The following DIP2A variants were observed in gnomAD, a reference collection of about 807,000 sequenced individuals.
The protein encoded by DIP2A is DIP2 acetate--CoA ligase A.
Under a neutral mutation model 177.4 loss-of-function variants are expected in DIP2A, and 85 were observed. The ratio of observed to expected loss-of-function variants is 0.48; its 90% CI spans 0.40 to 0.57. The LOEUF (loss-of-function observed/expected upper bound fraction) is 0.57. Among genes scored for constraint, DIP2A ranks in the 20% least tolerant of loss-of-function variants. The probability of loss-of-function intolerance (pLI) is 0.00; values close to 1 mark genes in which losing one functional copy is unlikely to be tolerated. For synonymous variants in DIP2A, 886 were observed against 881.8 expected, an observed-to-expected ratio of 1.00 and a Z score of -0.08; for missense variants, 1,791 against 2,100.2, an observed-to-expected ratio of 0.85 and a Z score of 2.88.
downstream of DIP2A, among the ~76,000 whole-genome samples, chr21:46,574,926 C>G (rs933839050): frequency 2.6e-5 from 4 of 152,108 alleles, no homozygotes; most frequent in Non-Finnish European, 5.9e-5. Flanking sequence ...CAAACTTACT[C>G]TATGAGGCAA....
At chr21:46,561,586 G>T in intron 33 of DIP2A, 162 bp from the exon 34 acceptor site, 1 of 941,390 alleles carries the variant, frequency 1.1e-6, no homozygotes, top group East Asian at 2.5e-5. Context: ...GCGTGGTTGG[G>T]GTGTCCCTGC....
chr21:46,484,905 T>G (rs2056587304), intron 2 of DIP2A, 77 bp downstream of exon 2: 8 of 1,394,254 alleles, frequency 5.7e-6, no homozygotes, highest in Non-Finnish European at 7.7e-6. Context: ...GTTTTTAGAG[T>G]TTAACATTTG....
rs1284660523 is a variant in DIP2A at position 46,496,979 on chromosome 21, C to G, written c.284-9C>G. The G allele has an allele frequency of 6.2e-6, 10 of 1,606,680 alleles. No individual in the cohort carries two copies. The highest frequency in any genetic ancestry group is 8.5e-6 in the Non-Finnish European group (10 of 1,177,950). ...AAAAAGTATTTTTACTGCTGTCCTT[C>G]CTGTGTAGATGTCCACACTGAAGCC... On this transcript the variant is annotated splice_polypyrimidine_tract_variant and intron_variant, in intron 3 of 37. Coordinates refer to ENST00000417564, the MANE Select transcript of DIP2A (RefSeq NM_015151.4).
chr21:46,511,240 C>T (rs1001212062), intron 7 of DIP2A, among the ~76,000 whole-genome samples, 177 bp from the exon 8 acceptor site: 1 of 152,216 alleles, frequency 6.6e-6, no homozygotes, highest in Non-Finnish European at 1.5e-5. Flanking sequence ...ATGACTAAAG[C>T]TCCTTTAATC....
At chr21:46,533,349 A>G (rs1032100773) in intron 10 of DIP2A, among the ~76,000 whole-genome samples, 175 bp from the exon 11 acceptor site, 2 of 152,252 alleles carry the variant, frequency 1.3e-5, no homozygotes, top group African/African-American at 2.4e-5. Flanking sequence ...TCACATTTTC[A>G]TGAACTATTT....
chr21:46,510,756 G>C (rs577426064), intron 7 of DIP2A, among the ~76,000 whole-genome samples: 1 of 149,322 alleles, frequency 6.7e-6, no homozygotes, highest in Non-Finnish European at 1.5e-5. Flanking sequence ...TCAGCCTCCC[G>C]AGTAGCTGGT....
intron 3 of DIP2A, among the ~76,000 whole-genome samples, chr21:46,495,556 C>G (rs541815236): frequency 1.3e-5 from 2 of 152,168 alleles, no homozygotes; most frequent in East Asian, 3.9e-4. Flanking sequence ...GCATGAGCCA[C>G]TGTGCCCATC....
At chr21:46,522,686 C>A (rs886725159) in intron 8 of DIP2A, among the ~76,000 whole-genome samples, 4 of 152,132 alleles carry the variant, frequency 2.6e-5, no homozygotes, top group African/African-American at 9.7e-5. Flanking sequence ...AGAGCTCTCT[C>A]GTCATGTGAA....
chr21:46,522,916 T>C (rs544636319), intron 8 of DIP2A, among the ~76,000 whole-genome samples: 240 of 152,166 alleles, frequency 1.6e-3, no homozygotes, highest in African/African-American at 5.5e-3. Context: ...TTTATTTTTT[T>C]AATTAATTTA....
intron 1 of DIP2A, among the ~76,000 whole-genome samples, chr21:46,461,271 C>CAAAAAAAAAAAAAAAAAAAAAAAAAAAA (rs60346777): frequency 8.1e-5 from 4 of 49,322 alleles, no homozygotes; most frequent in Non-Finnish European, 1.0e-4. Flanking sequence ...CTCTTCTCAC[C>CAAAAAAAAAAAAAAAAAAAAAAAAAAAA]AAAAAAAAAA....
intron 34 of DIP2A, 196 bp downstream of exon 34, chr21:46,562,001 A>G (rs1049634605): frequency 1.2e-6 from 1 of 862,788 alleles, no homozygotes; most frequent in African/African-American, 1.8e-5. Context: ...ATGTTTTTAA[A>G]CACACATCTG....
rs1168153777 is a variant in DIP2A, at chr21:46,464,817, CT to C, written c.91+5622del. On this transcript the variant is annotated intron_variant, in intron 1 of 37. Transcript: ENST00000417564. ...TCTTCCTTTTTCTTAATATTCATGT[CT>C]TTTTTTTTTTTTTTTTTTTTTTTTT... Among the ~76,000 whole-genome samples the C allele has an allele frequency of 8.1e-3, 591 of 73,388 alleles. 5 individuals carry two copies. Among genetic ancestry groups the C allele is most frequent in the African/African-American group, 0.02 (337 of 16,460 alleles). The allele number at this position is 73,388 out of a possible 152,430, so 48.1% of individuals were successfully genotyped here.
chr21:46,467,531 A>G (rs1378110969), intron 1 of DIP2A, among the ~76,000 whole-genome samples: 2 of 152,146 alleles, frequency 1.3e-5, no homozygotes, highest in Non-Finnish European at 2.9e-5. Flanking sequence ...CATGGATGTC[A>G]TCATCTATTT....
At position 46,557,485 on chromosome 21, in the gene DIP2A, C is replaced by T. The variant is rs2060509014; in HGVS notation, c.3630-100C>T. 7.3e-7 allele frequency: 1 copy of T among 1,376,742 alleles called. No individual in the cohort carries two copies. Among genetic ancestry groups the T allele is most frequent in the Non-Finnish European group, 9.8e-7 (1 of 1,022,596 alleles). 85.3% of individuals were successfully genotyped at this position (1,376,742 alleles called of 1,614,324 possible). A position where few individuals can be genotyped will look rare whatever the true frequency, so the allele number is the denominator to read the frequency against. ...TGGCGTCAGAACAGAAATCATGCCC[C>T]TGTTGTGGCTGGAAAAGAAGTGTTC... On this transcript the variant is annotated intron_variant, in intron 30 of 37. Transcript: ENST00000417564. This position sits in a 1 kb window ranked among gnomAD's most constrained non-coding sequence, Gnocchi z 6.0.
intron 1 of DIP2A, 133 bp from the exon 2 acceptor site, chr21:46,484,624 T>C (rs2056568953): frequency 4.2e-6 from 3 of 720,122 alleles, no homozygotes; most frequent in East Asian, 5.6e-5. Flanking sequence ...TATGGGTCCA[T>C]TATAGTTTAT....
At chr21:46,534,426 G>T (rs913560098) in intron 12 of DIP2A, among the ~76,000 whole-genome samples, 159 bp from the exon 13 acceptor site, 1 of 152,202 alleles carries the variant, frequency 6.6e-6, no homozygotes, top group Non-Finnish European at 1.5e-5. Flanking sequence ...TCCCCTCAGC[G>T]GCCAGGGTTT....
intron 1 of DIP2A, among the ~76,000 whole-genome samples, chr21:46,479,239 C>T (rs913255680): frequency 6.6e-6 from 1 of 152,190 alleles, no homozygotes; most frequent in Non-Finnish European, 1.5e-5. Context: ...CTCAGTTCTT[C>T]ACTTCTGTAA....
intron 1 of DIP2A, among the ~76,000 whole-genome samples, chr21:46,483,590 G>C (rs946778012): frequency 6.6e-6 from 1 of 152,224 alleles, no homozygotes; most frequent in African/African-American, 2.4e-5. Context: ...CTGTAGGATG[G>C]CATATTAATG....
In DIP2A at chr21:46,537,203, A is replaced by G; in HGVS notation, c.1643-21A>G. On this transcript the variant is annotated intron_variant, in intron 13 of 37. Transcript: ENST00000417564. The surrounding 1 kb of genome is among the most constrained non-coding windows in gnomAD (Gnocchi z 4.1). ...ATTGAGAGGGTTGCTCAGTGGTGTC[A>G]CCTTCTTTGTCCACTTGCAGCTGAA... 7 of 1,613,958 alleles carry G rather than the reference A, an allele frequency of 4.3e-6. No individual in the cohort carries two copies. Among genetic ancestry groups the G allele is most frequent in the Non-Finnish European group, 5.9e-6 (7 of 1,179,824 alleles).
Sources: gnomAD v4.1 joint callset for allele counts (sites outside exome capture counted in the v4.1 genomes callset) on GRCh38, gnomAD v4.1.1 for gene constraint, Gnocchi (gnomAD v3.1) non-coding constraint, MANE v1.5 for transcripts, NCBI Gene and HGNC (gene_info 2026-07-23, HGNC 2026-07-21) for gene names.